Variants in MAN1B1 observed in about 807,000 individuals in gnomAD.
The protein encoded by MAN1B1 is mannosidase alpha class 1B member 1, also known as endoplasmic reticulum mannosyl-oligosaccharide 1,2-alpha-mannosidase.
MAN1B1 carries 66 observed loss-of-function variants against 75.5 expected under a neutral mutation model. That is an observed-to-expected ratio of 0.87 (90% CI 0.72 to 1.07). MAN1B1 has a LOEUF of 1.07. Ranked by LOEUF, MAN1B1 falls within the 50% of genes least tolerant of loss-of-function variation. The pLI is 0.00. For synonymous variants in MAN1B1, 453 were observed against 382.8 expected, an observed-to-expected ratio of 1.18 and a Z score of -2.14; for missense variants, 973 against 912.5, an observed-to-expected ratio of 1.07 and a Z score of -0.85.
At chr9:137,106,345 C>T (rs533956148) in intron 9 of MAN1B1, 30 bp downstream of exon 9, 24 of 1,538,088 alleles carry the variant, frequency 1.6e-5, no homozygotes, top group East Asian at 1.5e-4. Context: ...CCCCAGCTCC[C>T]GCGGCTCCCC....
chr9:137,097,575 A>C (rs1297955813), intron 4 of MAN1B1, among the ~76,000 whole-genome samples: 1 of 152,022 alleles, frequency 6.6e-6, no homozygotes, highest in African/African-American at 2.4e-5. Flanking sequence ...GGGATTTCTC[A>C]CGATTCTCCA....
At chr9:137,103,206 G>A (rs1588629180) in intron 8 of MAN1B1, 1 of 441,938 alleles carries the variant, frequency 2.3e-6, no homozygotes, top group Admixed American at 2.5e-5. Flanking sequence ...TTGCAGGCGT[G>A]CAGGTCGGTG....
In MAN1B1 at chr9:137,108,571, C is replaced by G. The variant is rs575503145; in HGVS notation, c.2080C>G (p.Pro694Ala). ...YVFNTEAHPL[P>A]IWTPA is the part of the protein sequence containing the mutation. The stretch of plus-strand genomic sequence containing the variant: ...GTTCAACACCGAAGCCCACCCTCTG[C>G]CTATCTGGACCCCTGCCTAGGGTGG... The change falls in exon 13 of 13, where the codon CCT becomes GCT. Residue 694 changes from proline to alanine, a missense_variant. Physicochemically the swap from Pro to Ala is conservative, Grantham distance 27. Transcript: ENST00000371589. 3.8e-5 allele frequency: 62 copies of G among 1,613,828 alleles called. No homozygotes were observed. Among genetic ancestry groups the G allele is most frequent in the Middle Eastern group, 1.6e-4 (1 of 6,062 alleles).
At position 137,108,711 on chromosome 9, in the gene MAN1B1, C is replaced by G. The variant is rs934835457; in HGVS notation, c.*120C>G. Reference sequence around the variant, plus strand: ...CCAAGTGGCCCAGGCTCTGAACTGGCTCTGGGCTCCTCCTCGTCTCTGCTT... The same window carrying G: ...CCAAGTGGCCCAGGCTCTGAACTGGGTCTGGGCTCCTCCTCGTCTCTGCTT... On this transcript the variant is annotated 3_prime_UTR_variant, in exon 13 of 13. Transcript: ENST00000371589. The G allele has an allele frequency of 2.2e-6, 2 of 889,456 alleles. No individual in the cohort carries two copies. The highest frequency in any genetic ancestry group is 3.7e-6 in the Non-Finnish European group (2 of 534,506). 55.1% of individuals were successfully genotyped at this position (889,456 alleles called of 1,614,324 possible). A position where few individuals can be genotyped will look rare whatever the true frequency, so the allele number is the denominator to read the frequency against.
At chr9:137,090,265 A>G (rs1830482179) in intron 3 of MAN1B1, among the ~76,000 whole-genome samples, 1 of 152,148 alleles carries the variant, frequency 6.6e-6, no homozygotes, top group Non-Finnish European at 1.5e-5. Flanking sequence ...TTGTTGGTAC[A>G]TCTGTGATTG....
intron 2 of MAN1B1, chr9:137,088,435 A>G: frequency 6.5e-7 from 1 of 1,549,688 alleles, no homozygotes; most frequent in Non-Finnish European, 8.7e-7. Context: ...TTATAGAGTA[A>G]GTCAGCTGGT....
intron 8 of MAN1B1, chr9:137,102,179 G>T: frequency 4.5e-6 from 2 of 449,204 alleles, no homozygotes; most frequent in Non-Finnish European, 8.9e-6. Context: ...GCTGTTGCAG[G>T]AGTACAGGTC....
intron 12 of MAN1B1, chr9:137,108,012 CCT>C (rs1831180951): frequency 1.9e-5 from 12 of 617,612 alleles, no homozygotes; most frequent in Middle Eastern, 6.9e-4. Context: ...TGGACCAGGC[CCT>C]GTTTTAGGTC....
intron 4 of MAN1B1, among the ~76,000 whole-genome samples, chr9:137,097,343 C>T (rs114079204): frequency 1.2e-4 from 18 of 152,192 alleles, no homozygotes; most frequent in Non-Finnish European, 2.5e-4. Context: ...TAGGAGGTTG[C>T]GCGGCAAACC....
At chr9:137,104,629 TGCG>T (rs1588644119) in intron 8 of MAN1B1, 1 of 170,662 alleles carries the variant, frequency 5.9e-6, no homozygotes, top group East Asian at 1.5e-4. Context: ...GAATATCTGC[TGCG>T]TGGCTAGGCC....
Position 137,108,835 on chromosome 9 carries a change from C to T in MAN1B1, c.*244C>T, listed in dbSNP as rs183923257. 1.1e-4 allele frequency: 76 copies of T among 661,918 alleles called. No individual in the cohort carries two copies. The highest frequency in any genetic ancestry group is 7.8e-4 in the African/African-American group (44 of 56,462). 41.0% of individuals were successfully genotyped at this position (661,918 alleles called of 1,614,324 possible). On this transcript the variant is annotated 3_prime_UTR_variant, in exon 13 of 13. Coordinates refer to ENST00000371589, the MANE Select transcript of MAN1B1 (RefSeq NM_016219.5). ...CTCCGCCTGCTTCCTCCAGAAGACA[C>T]GAATCATGACTCACGATTGCTGAAG...
At position 137,108,717 on chromosome 9, in the gene MAN1B1, G is replaced by C. The variant is rs867335750; in HGVS notation, c.*126G>C. On this transcript the variant is annotated 3_prime_UTR_variant, in exon 13 of 13. Coordinates refer to ENST00000371589, the MANE Select transcript of MAN1B1 (RefSeq NM_016219.5). ...GGCCCAGGCTCTGAACTGGCTCTGGGCTCCTCCTCGTCTCTGCTTTAATCA... is the reference window on the plus strand; with the variant it reads ...GGCCCAGGCTCTGAACTGGCTCTGGCCTCCTCCTCGTCTCTGCTTTAATCA... 9 of 857,942 alleles carry C rather than the reference G, an allele frequency of 1.0e-5. No individual in the cohort carries two copies. The Middle Eastern group carries it at 1.7e-3, about 164-fold the overall frequency. 53.1% of individuals were successfully genotyped at this position (857,942 alleles called of 1,614,324 possible).
At chr9:137,089,750 T>G (rs1830470686) in intron 3 of MAN1B1, among the ~76,000 whole-genome samples, 1 of 150,686 alleles carries the variant, frequency 6.6e-6, no homozygotes, top group Non-Finnish European at 1.5e-5. Context: ...AAAAGCTGAG[T>G]GGGGGGAGGA....
At chr9:137,098,552 C>T (rs1161936379) in intron 5 of MAN1B1, among the ~76,000 whole-genome samples, 1 of 152,202 alleles carries the variant, frequency 6.6e-6, no homozygotes, top group Non-Finnish European at 1.5e-5. Context: ...CCAGGACTCC[C>T]AGCCCCGGGC....
At chr9:137,101,427 G>A (rs954832006) in intron 7 of MAN1B1, 57 bp from the exon 8 acceptor site, 9 of 1,527,894 alleles carry the variant, frequency 5.9e-6, no homozygotes, top group Non-Finnish European at 8.2e-6. Flanking sequence ...ATGAAAGGGT[G>A]TAGACGAGGC....
intron 3 of MAN1B1, 150 bp from the exon 4 acceptor site, chr9:137,096,087 G>T: frequency 1.2e-6 from 1 of 812,262 alleles, no homozygotes; most frequent in Non-Finnish European, 2.1e-6. Context: ...TTCTGAAGCT[G>T]CCTGTCGTAT....
chr9:137,087,021 A>G lies in MAN1B1; in HGVS notation c.22A>G (p.Arg8Gly), dbSNP rs1830382339. 1.2e-6 allele frequency: 2 copies of G among 1,600,866 alleles called. No individual in the cohort carries two copies. Among genetic ancestry groups the G allele is most frequent in the Non-Finnish European group, 1.7e-6 (2 of 1,175,588 alleles). Residue 8 changes from arginine (R) to glycine (G), a missense_variant, in exon 1 of 13, where the codon AGA (arginine) becomes GGA (glycine). Transcript: ENST00000371589. Reference protein sequence around the residue: MAACEGRRSGALGSSQSD... With the variant: MAACEGRGSGALGSSQSD... ...TGCGATGGCTGCCTGCGAGGGCAGG[A>G]GAAGCGGAGCTCTCGGTTCCTCTCA...
chr9:137,087,344 C>T, intron 1 of MAN1B1, 126 bp downstream of exon 1: 1 of 1,138,772 alleles, frequency 8.8e-7, no homozygotes, highest in Non-Finnish European at 1.2e-6. Flanking sequence ...TCCACCCCTT[C>T]CCCGCAAAAA....
At chr9:137,095,451 G>A (rs1830627722) in intron 3 of MAN1B1, among the ~76,000 whole-genome samples, 1 of 152,126 alleles carries the variant, frequency 6.6e-6, no homozygotes, top group African/African-American at 2.4e-5. Context: ...GGGCATGTTG[G>A]CTGCAACCTG....
Sources: gnomAD v4.1 joint callset for allele counts (sites outside exome capture counted in the v4.1 genomes callset) on GRCh38, gnomAD v4.1.1 for gene constraint, MANE v1.5 for transcripts, NCBI Gene and HGNC (gene_info 2026-07-23, HGNC 2026-07-21) for gene names.